PRDM16: variants seen among roughly 807,000 people sequenced by gnomAD.
The protein encoded by PRDM16 is histone-lysine N-methyltransferase PRDM16.
PRDM16 carries 23 observed loss-of-function variants against 110.6 expected under a neutral mutation model. That is an observed-to-expected ratio of 0.21 (90% CI 0.15 to 0.29). The LOEUF (loss-of-function observed/expected upper bound fraction) is 0.29, where lower values mean the gene tolerates loss of function less well. Among genes scored for constraint, PRDM16 ranks in the 10% least tolerant of loss-of-function variants. The pLI is 1.00. For missense variants in PRDM16, 1,615 were observed against 1,794.3 expected, an observed-to-expected ratio of 0.90 and a Z score of 1.81; for synonymous variants, 799 against 781.8, an observed-to-expected ratio of 1.02 and a Z score of -0.37.
intron 3 of PRDM16, among the ~76,000 whole-genome samples, chr1:3,304,315 T>C (rs1309961892): frequency 6.6e-6 from 1 of 152,204 alleles, no homozygotes; most frequent in Non-Finnish European, 1.5e-5. Context: ...GCAGTCCTGG[T>C]TGGTCATATC....
intron 2 of PRDM16, among the ~76,000 whole-genome samples, chr1:3,226,865 G>A (rs1041198042): frequency 3.3e-5 from 5 of 152,106 alleles, no homozygotes; most frequent in Admixed American, 6.5e-5. Context: ...ACAGTGCTCC[G>A]CGCTAATCAA....
intron 3 of PRDM16, among the ~76,000 whole-genome samples, chr1:3,286,221 G>A (rs958066013): frequency 6.6e-6 from 1 of 152,204 alleles, no homozygotes; most frequent in African/African-American, 2.4e-5. Flanking sequence ...GAATCAAGTT[G>A]ATACAGACAC....
At chr1:3,114,882 C>T (rs770365801) in intron 1 of PRDM16, among the ~76,000 whole-genome samples, 5 of 152,252 alleles carry the variant, frequency 3.3e-5, no homozygotes, top group Non-Finnish European at 5.9e-5. Context: ...AGGCCCTGGC[C>T]GGGATGCAGG....
chr1:3,069,225 C>T lies in PRDM16; in HGVS notation c.-35C>T. 2 of 1,577,894 alleles carry T rather than the reference C, an allele frequency of 1.3e-6. No individual in the cohort carries two copies. Among genetic ancestry groups the T allele is most frequent in the Non-Finnish European group, 1.7e-6 (2 of 1,161,536 alleles). ...GATAGTGTGTGGCTGCTTCTGGACT[C>T]AAGGAGGAGGAGAGAGATTCCGCGA... On this transcript the variant is annotated 5_prime_UTR_variant, in exon 1 of 17. Transcript: ENST00000270722. This position sits in a 1 kb window ranked among gnomAD's most constrained non-coding sequence, Gnocchi z 6.1.
intron 2 of PRDM16, among the ~76,000 whole-genome samples, chr1:3,226,406 G>C (rs867347986): frequency 6.6e-6 from 1 of 152,140 alleles, no homozygotes; most frequent in South Asian, 2.1e-4. Flanking sequence ...TCCCTCCACG[G>C]CTTCCCCCTT....
intron 3 of PRDM16, among the ~76,000 whole-genome samples, chr1:3,347,884 G>T (rs1642393835): frequency 6.6e-6 from 1 of 152,196 alleles, no homozygotes; most frequent in Non-Finnish European, 1.5e-5. Context: ...CAAAGCAGCT[G>T]CCCGAGCCCA....
At chr1:3,413,031 A>AGGACGGGTGCTCCT (rs1643720220) in intron 9 of PRDM16, among the ~76,000 whole-genome samples, 1 of 152,136 alleles carries the variant, frequency 6.6e-6, no homozygotes, top group Non-Finnish European at 1.5e-5. Flanking sequence ...TTGGGAGGCC[A>AGGACGGGTGCTCCT]GGACGGGTGC....
intron 3 of PRDM16, among the ~76,000 whole-genome samples, chr1:3,345,289 T>G (rs1380559075): frequency 6.6e-6 from 1 of 152,212 alleles, no homozygotes; most frequent in Non-Finnish European, 1.5e-5. Context: ...TTAAATTATT[T>G]TTTTCCAAGT....
chr1:3,419,021 T>C (rs1037952001), intron 12 of PRDM16, among the ~76,000 whole-genome samples: 5 of 152,012 alleles, frequency 3.3e-5, no homozygotes, highest in Admixed American at 1.3e-4. Context: ...CCCTAGGGTG[T>C]TCACTGGGGC....
intron 3 of PRDM16, among the ~76,000 whole-genome samples, chr1:3,299,069 C>T (rs1422061275): frequency 6.6e-6 from 1 of 152,264 alleles, no homozygotes; most frequent in Non-Finnish European, 1.5e-5. Context: ...TCTCTCCTCT[C>T]CCTCAAGACA....
rs1643720099 is a variant in PRDM16, at chr1:3,148,547, G to A, written c.38-37578G>A. ...CCCATAGTGGTGGCCCAGCCCTGGG[G>A]AGCAGCGTCAGGATTTTACAATCCA... On this transcript the variant is annotated intron_variant, in intron 1 of 16. Transcript: ENST00000270722. This position sits in a 1 kb window ranked among gnomAD's most constrained non-coding sequence, Gnocchi z 5.0. 6.6e-6 allele frequency among the ~76,000 whole-genome samples: 1 copy of A among 152,210 alleles called. No individual in the cohort carries two copies. Among genetic ancestry groups the A allele is most frequent in the South Asian group, 2.1e-4 (1 of 4,834 alleles).
At chr1:3,283,891 G>A (rs927948680) in intron 3 of PRDM16, among the ~76,000 whole-genome samples, 3 of 152,270 alleles carry the variant, frequency 2.0e-5, no homozygotes, top group Non-Finnish European at 2.9e-5. Flanking sequence ...ATCTGCAGGA[G>A]CCCAGGTGCC....
At chr1:3,409,259 G>A (rs1224197678) in intron 8 of PRDM16, among the ~76,000 whole-genome samples, 1 of 152,010 alleles carries the variant, frequency 6.6e-6, no homozygotes, top group East Asian at 1.9e-4. Flanking sequence ...CACAGCCAGG[G>A]TGTGCTTGTT....
At chr1:3,188,520 C>T (rs761380939) in intron 2 of PRDM16, among the ~76,000 whole-genome samples, 2 of 152,236 alleles carry the variant, frequency 1.3e-5, no homozygotes, top group African/African-American at 4.8e-5. Flanking sequence ...CTCCTCACGG[C>T]GCACCTCCCG....
At chr1:3,318,563 C>T (rs1476623122) in intron 3 of PRDM16, among the ~76,000 whole-genome samples, 1 of 152,026 alleles carries the variant, frequency 6.6e-6, no homozygotes, top group Non-Finnish European at 1.5e-5. Flanking sequence ...ATCTATTGAT[C>T]ATCTATCAGT....
intron 3 of PRDM16, among the ~76,000 whole-genome samples, chr1:3,293,377 G>A (rs1170977119): frequency 2.0e-5 from 3 of 152,206 alleles, no homozygotes; most frequent in Admixed American, 6.5e-5. Flanking sequence ...TGAAAACACC[G>A]TGAATGCCGG....
At chr1:3,386,408 G>A (rs1415572470) in intron 4 of PRDM16, among the ~76,000 whole-genome samples, 3 of 152,222 alleles carry the variant, frequency 2.0e-5, no homozygotes, top group Non-Finnish European at 4.4e-5. Context: ...AGGTCCCGCA[G>A]GCCCCGGCTG....
chr1:3,428,683 C>A (rs887450165), intron 14 of PRDM16, among the ~76,000 whole-genome samples: 1 of 152,218 alleles, frequency 6.6e-6, no homozygotes, highest in African/African-American at 2.4e-5. Flanking sequence ...CCTCCGCCAT[C>A]AGGAAGGATC....
chr1:3,403,146 A>T, intron 6 of PRDM16, 148 bp downstream of exon 6: 1 of 765,760 alleles, frequency 1.3e-6, no homozygotes, highest in Non-Finnish European at 2.2e-6. Flanking sequence ...CCCTGGTGGG[A>T]CACACCCTGG....
Sources: allele counts gnomAD v4.1 joint callset (sites outside exome capture counted in the v4.1 genomes callset), GRCh38; gene constraint gnomAD v4.1.1; non-coding constraint Gnocchi (gnomAD v3.1); transcripts MANE v1.5; gene names NCBI Gene and HGNC (gene_info 2026-07-23, HGNC 2026-07-21).